The following ATP13A3 variants were observed in gnomAD, a reference collection of about 807,000 sequenced individuals.
ATP13A3 encodes polyamine-transporting ATPase 13A3.
ATP13A3 carries 59 observed loss-of-function variants against 158.1 expected under a neutral mutation model. The observed-to-expected ratio is 0.37, with a 90% CI of 0.30 to 0.46. The LOEUF (loss-of-function observed/expected upper bound fraction) is 0.46, where lower values mean the gene tolerates loss of function less well. Ranked by LOEUF, ATP13A3 falls within the 20% of genes least tolerant of loss-of-function variation. The pLI is 1.00. For missense variants in ATP13A3, 1,166 were observed against 1,525.2 expected (o/e 0.76, Z 3.92); for synonymous variants, 491 against 504.3 (o/e 0.97, Z 0.35).
chr3:194,427,307 A>G (rs1716858561), intron 28 of ATP13A3, 55 bp from the exon 29 acceptor site: 2 of 1,449,982 alleles, frequency 1.4e-6, no homozygotes, highest in Non-Finnish European at 1.9e-6. Flanking sequence ...CTATCACTAT[A>G]TAAGGCATAA....
chr3:194,410,224 C>T (rs956472258), intron 33 of ATP13A3, among the ~76,000 whole-genome samples: 58 of 134,960 alleles, frequency 4.3e-4, no homozygotes, highest in African/African-American at 1.5e-3. Flanking sequence ...CTTTGGGAGG[C>T]CGAGGCAGGC....
At chr3:194,486,071 T>C (rs1479600526) in intron 1 of ATP13A3, among the ~76,000 whole-genome samples, 3 of 152,180 alleles carry the variant, frequency 2.0e-5, no homozygotes, top group Non-Finnish European at 2.9e-5. Context: ...CAAAGGGCCC[T>C]GGGTTTTTCT....
In ATP13A3 at chr3:194,448,153, C is replaced by T. The variant is rs2108898602; in HGVS notation, c.1151-144G>A. The stretch of plus-strand genomic sequence containing the variant: ...AGTACAGTGGTGTGATCTCGACTCA[C>T]TGCAAGCTCCGCCTCCTGGGTTCAC... On this transcript the variant is annotated intron_variant, in intron 12 of 33. Transcript: ENST00000645319. The surrounding 1 kb of genome is among the most constrained non-coding windows in gnomAD (Gnocchi z 4.0). The T allele has an allele frequency of 2.4e-6, 2 of 836,004 alleles. No homozygotes were observed. Among genetic ancestry groups the T allele is most frequent in the South Asian group, 1.8e-5 (1 of 56,712 alleles). The allele number at this position is 836,004 out of a possible 1,614,324, so 51.8% of individuals were successfully genotyped here. A position where few individuals can be genotyped will look rare whatever the true frequency, so the allele number is the denominator to read the frequency against.
chr3:194,429,537 C>T (rs1463519367), intron 27 of ATP13A3, 141 bp downstream of exon 27: 2 of 488,004 alleles, frequency 4.1e-6, no homozygotes, highest in Admixed American at 4.1e-5. Context: ...ATTCAAACTA[C>T]AGTAAATTGA....
chr3:194,435,329 C>A (rs1257625774), intron 20 of ATP13A3, among the ~76,000 whole-genome samples: 1 of 152,206 alleles, frequency 6.6e-6, no homozygotes, highest in African/African-American at 2.4e-5. Context: ...CTGGCTTCAG[C>A]TCGTCTCCTA....
chr3:194,421,944 C>CAAAAAAAAAAAAAAAAAAAAAAAAAAA (rs397972334), intron 30 of ATP13A3, among the ~76,000 whole-genome samples: 1 of 97,504 alleles, frequency 1.0e-5, no homozygotes, highest in African/African-American at 4.3e-5. Context: ...GTGTCGTTGG[C>CAAAAAAAAAAAAAAAAAAAAAAAAAAA]AAAAAAAAAA....
At chr3:194,418,921 C>G (rs925998456) in intron 31 of ATP13A3, among the ~76,000 whole-genome samples, 1 of 152,190 alleles carries the variant, frequency 6.6e-6, no homozygotes, top group Non-Finnish European at 1.5e-5. Flanking sequence ...TGCAAATTCT[C>G]TACAGCATCG....
chr3:194,440,265 T>C (rs1034474010), intron 16 of ATP13A3, among the ~76,000 whole-genome samples: 1 of 151,716 alleles, frequency 6.6e-6, no homozygotes, highest in Non-Finnish European at 1.5e-5. Context: ...TCAGCCAGAG[T>C]AGCTGAGCTA....
At chr3:194,472,324 A>G (rs1398397784) in intron 2 of ATP13A3, among the ~76,000 whole-genome samples, 1 of 152,194 alleles carries the variant, frequency 6.6e-6, no homozygotes, top group Non-Finnish European at 1.5e-5. Context: ...TTAATTCAAC[A>G]TGAACTATGA....
At chr3:194,426,380 T>G (rs1716776372) in intron 29 of ATP13A3, among the ~76,000 whole-genome samples, 1 of 152,166 alleles carries the variant, frequency 6.6e-6, no homozygotes. Context: ...TTGTGATCCG[T>G]AAAGCACTCT....
chr3:194,417,221 G>C (rs1315286819), intron 31 of ATP13A3, among the ~76,000 whole-genome samples: 2 of 152,122 alleles, frequency 1.3e-5, no homozygotes, highest in Non-Finnish European at 2.9e-5. Flanking sequence ...AAGAGTTCAA[G>C]ACAAGCCTGG....
Position 194,427,085 on chromosome 3 carries a change from G to C in ATP13A3, c.3115C>G (p.Pro1039Ala), listed in dbSNP as rs768622206. The C allele has an allele frequency of 6.2e-7, 1 of 1,610,876 alleles. No individual in the cohort carries two copies. Among genetic ancestry groups the C allele is most frequent in the East Asian group, 2.2e-5 (1 of 44,818 alleles). The change falls in exon 29 of 34, where the codon CCA (proline) becomes GCA (alanine). Residue 1039 changes from proline to alanine, a missense_variant. Coordinates refer to ENST00000645319, the MANE Select transcript of ATP13A3 (RefSeq NM_001367549.1). ...GATTGACCAACTTACTCTGATTTTG[G>C]ATGCCACACTTCATACCAAGGTTGC... Reference protein sequence around the residue: ...KQQPWYEVWHPKSDACNTTGS... With the variant: ...KQQPWYEVWHAKSDACNTTGS...
chr3:194,494,166 C>T lies in ATP13A3; in HGVS notation n.630G>A. On this transcript the variant is annotated non_coding_transcript_exon_variant, in exon 2 of 33. Transcript: ENST00000687055. The surrounding 1 kb of genome is among the most constrained non-coding windows in gnomAD (Gnocchi z 4.2). Reference sequence around the variant, plus strand: ...AGAATGAGTTCATCTCGCATCAAAACTCTGGATTATCTGTTTAAGCACCCA... The same window carrying T: ...AGAATGAGTTCATCTCGCATCAAAATTCTGGATTATCTGTTTAAGCACCCA... 2.5e-6 allele frequency: 1 copy of T among 398,580 alleles called. No individual in the cohort carries two copies. Among genetic ancestry groups the T allele is most frequent in the Middle Eastern group, 6.3e-4 (1 of 1,588 alleles). The allele number at this position is 398,580 out of a possible 1,614,324, so 24.7% of individuals were successfully genotyped here. A position where few individuals can be genotyped will look rare whatever the true frequency, so the allele number is the denominator to read the frequency against.
intron 25 of ATP13A3, 23 bp downstream of exon 25, chr3:194,430,250 T>A (rs761184338): frequency 3.1e-6 from 5 of 1,613,494 alleles, no homozygotes; most frequent in Non-Finnish European, 4.2e-6. Context: ...ACTATAAAAC[T>A]AAATCACAAA....
At chr3:194,447,717 A>G in intron 13 of ATP13A3, 135 bp downstream of exon 13, 2 of 769,288 alleles carry the variant, frequency 2.6e-6, no homozygotes, top group Non-Finnish European at 4.2e-6. Context: ...TGACTTTGTT[A>G]GCATTAAATT....
chr3:194,464,607 C>T (rs1207715966), intron 2 of ATP13A3, among the ~76,000 whole-genome samples: 3 of 151,894 alleles, frequency 2.0e-5, no homozygotes, highest in African/African-American at 7.3e-5. Context: ...GTAATAACAC[C>T]GTACAGGCCT....
intron 13 of ATP13A3, 115 bp from the exon 14 acceptor site, chr3:194,447,230 G>GTATGTGTGTGTATATACA: frequency 1.2e-6 from 1 of 818,532 alleles, no homozygotes. Context: ...TCAATTTTAT[G>GTATGTGTGTGTATATACA]TATGTGTGTG....
chr3:194,483,393 C>T lies in ATP13A3; in HGVS notation c.-47+2401G>A, dbSNP rs144713196. Among the ~76,000 whole-genome samples the T allele has an allele frequency of 3.9e-3, 544 of 139,292 alleles. 4 individuals are homozygous for T. The highest frequency in any genetic ancestry group is 0.014 in the African/African-American group (479 of 34,778). The allele number at this position is 139,292 out of a possible 152,430, so 91.4% of individuals were successfully genotyped here. A position where few individuals can be genotyped will look rare whatever the true frequency, so the allele number is the denominator to read the frequency against. On this transcript the variant is annotated intron_variant, in intron 2 of 33. Coordinates refer to ENST00000645319, the MANE Select transcript of ATP13A3 (RefSeq NM_001367549.1). ...CTGCTTCAGTTCAGGAGTTTGAGAC[C>T]AGCCTGGGCAACACGGTGAAAACCC...
intron 33 of ATP13A3, among the ~76,000 whole-genome samples, chr3:194,411,027 A>G (rs1330299945): frequency 6.6e-6 from 1 of 150,580 alleles, no homozygotes; most frequent in Non-Finnish European, 1.5e-5. Context: ...CCCTAGTCAT[A>G]CGCACTACTA....
Sources: allele counts gnomAD v4.1 joint callset (sites outside exome capture counted in the v4.1 genomes callset), GRCh38; gene constraint gnomAD v4.1.1; non-coding constraint Gnocchi (gnomAD v3.1); transcripts MANE v1.5; gene names NCBI Gene and HGNC (gene_info 2026-07-23, HGNC 2026-07-21).